MAML3: variants seen among roughly 807,000 people sequenced by gnomAD.
MAML3 encodes mastermind like transcriptional coactivator 3.
A neutral mutation model predicts 101.9 loss-of-function variants in MAML3; 27 were observed. The ratio of observed to expected loss-of-function variants is 0.27; its 90% CI spans 0.20 to 0.37. MAML3 has a LOEUF of 0.37. MAML3 is among the 10% of genes least tolerant of loss of function. MAML3 has a pLI of 1.00. For synonymous variants in MAML3, 501 were observed against 555.9 expected (o/e 0.90, Z 1.39); for missense variants, 1,316 against 1,444.9 (o/e 0.91, Z 1.45).
intron 1 of MAML3, 44 bp downstream of exon 1, chr4:140,152,816 C>A: frequency 1.3e-6 from 2 of 1,581,174 alleles, no homozygotes; most frequent in South Asian, 1.2e-5. Context: ...CCACCACCAC[C>A]ACCCCCAACG....
chr4:139,720,625 G>A lies in MAML3; in HGVS notation c.2417-302C>T, dbSNP rs116818234. ...ATAGACACCCACAAAAATTGGGATCGTACTGTGCATGTGTTTTTGTAGCTG... is the reference window on the plus strand; with the variant it reads ...ATAGACACCCACAAAAATTGGGATCATACTGTGCATGTGTTTTTGTAGCTG... On this transcript the variant is annotated intron_variant, in intron 4 of 4. Transcript: ENST00000509479. Among the ~76,000 whole-genome samples, 801 of 152,274 alleles carry A rather than the reference G, an allele frequency of 5.3e-3. 5 individuals carry two copies. Among genetic ancestry groups the A allele is most frequent in the African/African-American group, 0.018 (761 of 41,564 alleles).
At chr4:140,080,127 T>C (rs1727839617) in intron 1 of MAML3, among the ~76,000 whole-genome samples, 2 of 152,190 alleles carry the variant, frequency 1.3e-5, no homozygotes, top group South Asian at 4.1e-4. Flanking sequence ...ATTTTTGAAG[T>C]GAAGGTTAAT....
intron 2 of MAML3, among the ~76,000 whole-genome samples, chr4:139,873,733 C>A (rs1732057154): frequency 6.6e-6 from 1 of 152,154 alleles, no homozygotes. Context: ...GAGGGAGCCA[C>A]ATATGAAGTA....
intron 2 of MAML3, among the ~76,000 whole-genome samples, chr4:139,776,645 C>T (rs1393795363): frequency 6.6e-6 from 1 of 152,144 alleles, no homozygotes; most frequent in Non-Finnish European, 1.5e-5. Flanking sequence ...CAGATACGCG[C>T]AAAATGGTGC....
At chr4:140,098,260 G>A (rs181097589) in intron 1 of MAML3, among the ~76,000 whole-genome samples, 3 of 152,168 alleles carry the variant, frequency 2.0e-5, no homozygotes, top group Admixed American at 6.5e-5. Flanking sequence ...TTTTGAATCC[G>A]AGCTCTATTA....
chr4:139,969,384 C>A (rs1238321221), intron 1 of MAML3, among the ~76,000 whole-genome samples: 1 of 152,100 alleles, frequency 6.6e-6, no homozygotes, highest in Non-Finnish European at 1.5e-5. Context: ...CTCCCTTCTA[C>A]TTCCCCACAT....
At chr4:140,111,332 T>C (rs982441528) in intron 1 of MAML3, among the ~76,000 whole-genome samples, 5 of 152,198 alleles carry the variant, frequency 3.3e-5, no homozygotes, top group African/African-American at 1.2e-4. Flanking sequence ...CAGTATGAGA[T>C]GCAACTGAGG....
chr4:139,758,205 C>A (rs976595270), intron 2 of MAML3, among the ~76,000 whole-genome samples: 2 of 152,160 alleles, frequency 1.3e-5, no homozygotes, highest in African/African-American at 4.8e-5. Context: ...CTCAGGACAA[C>A]TTTTAAAATT....
At chr4:139,892,510 T>A (rs6812139) in intron 1 of MAML3, among the ~76,000 whole-genome samples, 10,457 of 151,944 alleles carry the variant, frequency 0.069, 668 homozygotes, top group African/African-American at 0.17. Context: ...ACTCGTCTTT[T>A]ACGCTTTGCC....
At chr4:139,991,391 A>G (rs974461421) in intron 1 of MAML3, among the ~76,000 whole-genome samples, 1 of 152,232 alleles carries the variant, frequency 6.6e-6, no homozygotes, top group African/African-American at 2.4e-5. Flanking sequence ...CACCTTATAC[A>G]AAAATTAATT....
In MAML3 at chr4:139,720,322, ACCTGCAGTG is replaced by A. The variant is rs1337070052; in HGVS notation, c.2417-8_2417del. 4 of 1,522,578 alleles carry A rather than the reference ACCTGCAGTG, an allele frequency of 2.6e-6. No homozygotes were observed. Among genetic ancestry groups the A allele is most frequent in the Admixed American group, 4.3e-5 (2 of 46,760 alleles). 94.3% of individuals were successfully genotyped at this position (1,522,578 alleles called of 1,614,324 possible). Reference sequence around the variant, plus strand: ...TTACGGCTGCTATATCCTGGGGAGAACCTGCAGTGAAAAAGAGGACACATACCACTCACT... The same window carrying A: ...TTACGGCTGCTATATCCTGGGGAGAAAAAAAGAGGACACATACCACTCACT... On this transcript the variant is annotated splice_acceptor_variant and splice_polypyrimidine_tract_variant and coding_sequence_variant and intron_variant, in exon 5 of 5. Coordinates refer to ENST00000509479, the MANE Select transcript of MAML3 (RefSeq NM_018717.5). LOFTEE classifies it high-confidence loss of function.
intron 1 of MAML3, among the ~76,000 whole-genome samples, chr4:140,145,871 C>CTTCT (rs1729052663): frequency 3.1e-5 from 1 of 32,676 alleles, no homozygotes; most frequent in Non-Finnish European, 8.0e-5. Context: ...CCTTTTTTTT[C>CTTCT]TTTTTTCTTT....
chr4:140,077,039 C>T (rs1052700782), intron 1 of MAML3, among the ~76,000 whole-genome samples: 2 of 151,814 alleles, frequency 1.3e-5, no homozygotes, highest in Non-Finnish European at 1.5e-5. Context: ...TACAGGCGCC[C>T]GCCACCACAC....
At chr4:139,792,282 C>T (rs1730427979) in intron 2 of MAML3, among the ~76,000 whole-genome samples, 1 of 152,094 alleles carries the variant, frequency 6.6e-6, no homozygotes, top group Non-Finnish European at 1.5e-5. Flanking sequence ...TCCACTTCCT[C>T]CTATAACAAT....
intron 1 of MAML3, among the ~76,000 whole-genome samples, chr4:140,055,655 C>T (rs1727338404): frequency 1.3e-5 from 2 of 152,094 alleles, no homozygotes; most frequent in African/African-American, 2.4e-5. Flanking sequence ...GCTCCTTGAG[C>T]ACTCAGCTAC....
At chr4:140,031,019 C>G (rs973708461) in intron 1 of MAML3, among the ~76,000 whole-genome samples, 2 of 152,150 alleles carry the variant, frequency 1.3e-5, no homozygotes, top group African/African-American at 4.8e-5. Flanking sequence ...TAAAACCCAC[C>G]AGAAAACAGC....
chr4:139,989,850 A>AACACACACACAC lies in MAML3; in HGVS notation c.469-98895_469-98884dup, dbSNP rs71593737. Among the ~76,000 whole-genome samples, 451 of 122,896 alleles carry AACACACACACAC rather than the reference A, an allele frequency of 3.7e-3. 2 individuals are homozygous for AACACACACACAC. The highest frequency in any genetic ancestry group is 9.5e-3 in the African/African-American group (307 of 32,214). 80.6% of individuals were successfully genotyped at this position (122,896 alleles called of 152,430 possible). On this transcript the variant is annotated intron_variant, in intron 1 of 4. Transcript: ENST00000509479. ...CCCTGCACCCCACCACACACAAACAAACACACACACACACACACACACACA... is the reference window on the plus strand; with the variant it reads ...CCCTGCACCCCACCACACACAAACAAACACACACACACACACACACACACACACACACACACA...
intron 1 of MAML3, among the ~76,000 whole-genome samples, chr4:139,924,003 C>A (rs931864783): frequency 3.3e-5 from 5 of 152,202 alleles, no homozygotes; most frequent in Non-Finnish European, 7.4e-5. Context: ...CTCAGTAAGA[C>A]ATGAACTCAC....
At chr4:140,060,301 G>C (rs1032248725) in intron 1 of MAML3, among the ~76,000 whole-genome samples, 1 of 142,272 alleles carries the variant, frequency 7.0e-6, no homozygotes, top group African/African-American at 2.6e-5. Context: ...GGGAGGGGGA[G>C]GTTGCAGTGA....
Sources: gnomAD v4.1 joint callset for allele counts (sites outside exome capture counted in the v4.1 genomes callset) on GRCh38, gnomAD v4.1.1 for gene constraint, MANE v1.5 for transcripts, NCBI Gene and HGNC (gene_info 2026-07-23, HGNC 2026-07-21) for gene names.